The following TRIM54 variants were observed in gnomAD, a reference collection of about 807,000 sequenced individuals.
TRIM54 encodes the protein tripartite motif-containing protein 54.
TRIM54 carries 40 observed loss-of-function variants against 42.0 expected under a neutral mutation model. The observed-to-expected ratio is 0.95, with a 90% CI of 0.74 to 1.24. The LOEUF is 1.24. Among genes scored for constraint, TRIM54 ranks in the 50% most tolerant of loss-of-function variants. The pLI is 0.00. For synonymous variants in TRIM54, 199 were observed against 194.9 expected, an observed-to-expected ratio of 1.02 and a Z score of -0.17; for missense variants, 485 against 480.3, an observed-to-expected ratio of 1.01 and a Z score of -0.09.
At chr2:27,285,272 T>C (rs767449859) in intron 1 of TRIM54, among the ~76,000 whole-genome samples, 3 of 152,176 alleles carry the variant, frequency 2.0e-5, no homozygotes, top group Non-Finnish European at 4.4e-5. Context: ...TTTTCGCACA[T>C]TGCCTCCACA....
chr2:27,306,252 G>A lies in TRIM54; in HGVS notation c.906G>A (p.Pro302=), dbSNP rs759003803. ...CGAAGGTGGAGCTGGCAGGGCGGCC[G>A]GAGCCAGGCTATGAGAGCATGGAGC... The part of the protein sequence containing the change: ...AMSKVELAGR[P]EPGYESMEQF... Residue 302 remains proline (P), a synonymous_variant, in exon 7 of 9, where the codon CCG becomes CCA. Coordinates refer to ENST00000380075, the MANE Select transcript of TRIM54 (RefSeq NM_187841.3). This position sits in a 1 kb window ranked among gnomAD's most constrained non-coding sequence, Gnocchi z 6.1. 3.1e-6 allele frequency: 5 copies of A among 1,614,090 alleles called. No homozygotes were observed. Among genetic ancestry groups the A allele is most frequent in the African/African-American group, 1.3e-5 (1 of 75,042 alleles).
Position 27,305,597 on chromosome 2 carries a change from G to A in TRIM54, c.623G>A (p.Arg208Lys), listed in dbSNP as rs1398900125. 6.2e-7 allele frequency: 1 copy of A among 1,613,148 alleles called. No individual in the cohort carries two copies. The highest frequency in any genetic ancestry group is 8.5e-7 in the Non-Finnish European group (1 of 1,179,550). ...CCCATCTTTTAGGACAATAGCCGGA[G>A]GCAGAAGCAGTTGTTAAACCAGAGG... Reference protein sequence around the residue: ...VCQTIEDNSRRQKQLLNQRFE... With the variant: ...VCQTIEDNSRKQKQLLNQRFE... The change falls in exon 5 of 9, where the codon AGG becomes AAG. Residue 208 changes from arginine to lysine, a missense_variant. Physicochemically the swap from Arg to Lys is conservative, Grantham distance 26. Transcript: ENST00000380075.
chr2:27,288,090 T>G (rs1678627462), intron 1 of TRIM54, among the ~76,000 whole-genome samples: 1 of 152,220 alleles, frequency 6.6e-6, no homozygotes, highest in Non-Finnish European at 1.5e-5. Flanking sequence ...GCTCAGCTTT[T>G]ACCAAAACCT....
At chr2:27,283,038 G>C in intron 1 of TRIM54, 139 bp downstream of exon 1, 1 of 977,380 alleles carries the variant, frequency 1.0e-6, no homozygotes, top group Non-Finnish European at 1.5e-6. Context: ...CTGGAGAGCA[G>C]AAGGGCTGGG....
intron 3 of TRIM54, among the ~76,000 whole-genome samples, chr2:27,301,090 G>A (rs1679022286): frequency 6.6e-6 from 1 of 150,844 alleles, no homozygotes; most frequent in Non-Finnish European, 1.5e-5. Flanking sequence ...ATAAGACAAT[G>A]GCCACTCCAT....
rs772647902 is a variant in TRIM54, at chr2:27,282,723, A to G, written c.-9A>G. The G allele has an allele frequency of 1.9e-6, 3 of 1,609,012 alleles. No homozygotes were observed. Among genetic ancestry groups the G allele is most frequent in the Non-Finnish European group, 2.5e-6 (3 of 1,177,710 alleles). ...AGCAGGGCCCAGGCCAGGCACGACC[A>G]CCGAGGGGATGAACTTCACAGTGGG... On this transcript the variant is annotated 5_prime_UTR_variant, in exon 1 of 9. Transcript: ENST00000380075.
chr2:27,307,386 C>T lies in TRIM54; in HGVS notation c.*501C>T, dbSNP rs944993738. On this transcript the variant is annotated 3_prime_UTR_variant, in exon 9 of 9. Coordinates refer to ENST00000380075, the MANE Select transcript of TRIM54 (RefSeq NM_187841.3). The surrounding 1 kb of genome is among the most constrained non-coding windows in gnomAD (Gnocchi z 6.9). ...CGCTGCTGTGACTGCCCTGCCTCTA[C>T]GACAAAAGCCAACGGGTCTTCAGTA... 10 of 1,423,814 alleles carry T rather than the reference C, an allele frequency of 7.0e-6. No homozygotes were observed. The highest frequency in any genetic ancestry group is 4.4e-5 in the African/African-American group (3 of 68,852). 88.2% of individuals were successfully genotyped at this position (1,423,814 alleles called of 1,614,324 possible).
chr2:27,299,794 C>T (rs771666200), intron 3 of TRIM54: 13 of 560,604 alleles, frequency 2.3e-5, no homozygotes, highest in Non-Finnish European at 4.1e-5. Context: ...CAACCTCAGC[C>T]TCCCGGGTTC....
chr2:27,306,248 G>C lies in TRIM54; in HGVS notation c.902G>C (p.Arg301Pro). ...ATGTCGAAGGTGGAGCTGGCAGGGC[G>C]GCCGGAGCCAGGCTATGAGAGCATG... is the stretch of plus-strand genomic sequence containing the variant. ...GAMSKVELAG[R>P]PEPGYESMEQ... Residue 301 changes from arginine (R) to proline (P), a missense_variant, in exon 7 of 9, where the codon CGG becomes CCG. Coordinates refer to ENST00000380075, the MANE Select transcript of TRIM54 (RefSeq NM_187841.3). This position sits in a 1 kb window ranked among gnomAD's most constrained non-coding sequence, Gnocchi z 6.1. The C allele has an allele frequency of 6.2e-7, 1 of 1,614,096 alleles. No individual in the cohort carries two copies.
At chr2:27,290,402 T>TC (rs769047842) in intron 1 of TRIM54, among the ~76,000 whole-genome samples, 2 of 152,188 alleles carry the variant, frequency 1.3e-5, no homozygotes, top group Non-Finnish European at 2.9e-5. Flanking sequence ...GCCCAGTGGC[T>TC]CATGCCTGTA....
At chr2:27,302,683 C>T (rs754947049) in intron 3 of TRIM54, among the ~76,000 whole-genome samples, 3 of 151,752 alleles carry the variant, frequency 2.0e-5, no homozygotes, top group East Asian at 3.9e-4. Flanking sequence ...CCCAGCTACT[C>T]GGGAGGCTGA....
chr2:27,286,964 T>G (rs1370738035), intron 1 of TRIM54, among the ~76,000 whole-genome samples: 1 of 152,202 alleles, frequency 6.6e-6, no homozygotes, highest in Non-Finnish European at 1.5e-5. Flanking sequence ...TGGGCAGGTC[T>G]CCCTGATGCA....
intron 1 of TRIM54, among the ~76,000 whole-genome samples, chr2:27,292,581 CA>C (rs2148193224): frequency 6.6e-6 from 1 of 152,070 alleles, no homozygotes; most frequent in East Asian, 1.9e-4. Context: ...TGAAATGTAC[CA>C]CCTTAACCTT....
In TRIM54 at chr2:27,305,576, T is replaced by C. The variant is rs1679172048; in HGVS notation, c.610-8T>C. 6.2e-7 allele frequency: 1 copy of C among 1,609,556 alleles called. No individual in the cohort carries two copies. Among genetic ancestry groups the C allele is most frequent in the Non-Finnish European group, 8.5e-7 (1 of 1,176,812 alleles). ...CGCCTTCCCTCATCCTTGCTCCCCA[T>C]CTTTTAGGACAATAGCCGGAGGCAG... On this transcript the variant is annotated splice_polypyrimidine_tract_variant and splice_region_variant and intron_variant, in intron 4 of 8. Coordinates refer to ENST00000380075, the MANE Select transcript of TRIM54 (RefSeq NM_187841.3).
rs770926781 is a variant in TRIM54, at chr2:27,306,279, A to G, written c.933A>G (p.Gln311=). 15 of 1,613,950 alleles carry G rather than the reference A, an allele frequency of 9.3e-6. No individual in the cohort carries two copies. Among genetic ancestry groups the G allele is most frequent in the Admixed American group, 3.3e-5 (2 of 59,996 alleles). The stretch of plus-strand genomic sequence containing the variant: ...AGCCAGGCTATGAGAGCATGGAGCA[A>G]TTCACCGTAAGGGTGGAGCACGTGG... ...RPEPGYESME[Q]FTVRVEHVAE... Residue 311 remains glutamine, a synonymous_variant, in exon 7 of 9, where the codon CAA becomes CAG. Coordinates refer to ENST00000380075, the MANE Select transcript of TRIM54 (RefSeq NM_187841.3). This position sits in a 1 kb window ranked among gnomAD's most constrained non-coding sequence, Gnocchi z 6.1.
At chr2:27,297,649 C>T (rs1306076030) in intron 1 of TRIM54, among the ~76,000 whole-genome samples, 1 of 152,124 alleles carries the variant, frequency 6.6e-6, no homozygotes, top group Non-Finnish European at 1.5e-5. Context: ...ATAATTTTAT[C>T]CTCAGCTTTA....
At chr2:27,300,572 G>GTAGTAGTACTAATAATAATATTTAT (rs1558588633) in intron 3 of TRIM54, among the ~76,000 whole-genome samples, 2,483 of 104,434 alleles carry the variant, frequency 0.024, 79 homozygotes, top group African/African-American at 0.068. Context: ...ATATTTATTA[G>GTAGTAGTACTAATAATAATATTTAT]TAGTAGTAGT....
chr2:27,295,557 C>T (rs1224003640), intron 1 of TRIM54, among the ~76,000 whole-genome samples: 2 of 152,196 alleles, frequency 1.3e-5, no homozygotes, highest in African/African-American at 4.8e-5. Context: ...CCACCCACCT[C>T]GGCCTCCCAA....
intron 1 of TRIM54, among the ~76,000 whole-genome samples, chr2:27,283,745 G>A (rs1296685473): frequency 7.2e-6 from 1 of 139,852 alleles, no homozygotes; most frequent in African/African-American, 2.6e-5. Context: ...ACAGAGATCA[G>A]GGAGAGTGAG....
Sources: gnomAD v4.1 joint callset for allele counts (sites outside exome capture counted in the v4.1 genomes callset) on GRCh38, gnomAD v4.1.1 for gene constraint, Gnocchi (gnomAD v3.1) non-coding constraint, MANE v1.5 for transcripts, NCBI Gene and HGNC (gene_info 2026-07-23, HGNC 2026-07-21) for gene names.